CSMD1: variants seen among roughly 807,000 people sequenced by gnomAD.
CSMD1 encodes CUB and sushi domain-containing protein 1.
In CSMD1, 213 loss-of-function variants were observed where a neutral mutation model predicts 417.5. That is an observed-to-expected ratio of 0.51 (90% CI 0.46 to 0.57). The LOEUF is 0.57. Among genes scored for constraint, CSMD1 ranks in the 20% least tolerant of loss-of-function variants. The probability of loss-of-function intolerance (pLI) is 0.00; values close to 1 mark genes in which losing one functional copy is unlikely to be tolerated. For synonymous variants in CSMD1, 2,862 were observed against 1,736.8 expected, an observed-to-expected ratio of 1.65 and a Z score of -16.11; for missense variants, 6,923 against 4,529.7, an observed-to-expected ratio of 1.53 and a Z score of -15.17.
chr8:3,776,995 T>A (rs1433366904), intron 5 of CSMD1, among the ~76,000 whole-genome samples: 1 of 151,918 alleles, frequency 6.6e-6, no homozygotes, highest in African/African-American at 2.4e-5. Flanking sequence ...ATTACATGCA[T>A]GACCCCCCAC....
intron 12 of CSMD1, among the ~76,000 whole-genome samples, chr8:3,426,788 T>C (rs1813868972): frequency 6.6e-6 from 1 of 152,226 alleles, no homozygotes; most frequent in Admixed American, 6.5e-5. Flanking sequence ...TAATGGGTTG[T>C]GCCCAGTTAG....
intron 1 of CSMD1, among the ~76,000 whole-genome samples, chr8:4,725,582 C>A (rs1466762342): frequency 6.6e-6 from 1 of 152,104 alleles, no homozygotes; most frequent in Non-Finnish European, 1.5e-5. Context: ...ATTTCAGAAG[C>A]AACATGGGGC....
intron 3 of CSMD1, among the ~76,000 whole-genome samples, chr8:4,064,440 A>G (rs1484833450): frequency 1.3e-5 from 2 of 152,216 alleles, no homozygotes; most frequent in Non-Finnish European, 2.9e-5. Flanking sequence ...GGCTTTGCCC[A>G]AGTTTTAAAT....
chr8:3,832,070 G>C (rs1056161012), intron 5 of CSMD1, among the ~76,000 whole-genome samples: 27 of 152,230 alleles, frequency 1.8e-4, no homozygotes, highest in South Asian at 2.1e-4. Flanking sequence ...TCTTAATCAA[G>C]ACTGGGTATC....
At chr8:4,599,969 C>A (rs752506578) in intron 2 of CSMD1, among the ~76,000 whole-genome samples, 8 of 152,188 alleles carry the variant, frequency 5.3e-5, no homozygotes, top group Non-Finnish European at 1.2e-4. Flanking sequence ...TGTCCATCCA[C>A]CTCCATGGAG....
At chr8:3,769,162 T>G (rs189242893) in intron 5 of CSMD1, among the ~76,000 whole-genome samples, 26 of 152,198 alleles carry the variant, frequency 1.7e-4, no homozygotes, top group Non-Finnish European at 3.7e-4. Context: ...AACTTACAAT[T>G]TCCCCTTGCC....
chr8:4,088,775 T>C lies in CSMD1; in HGVS notation c.416-56676A>G, dbSNP rs116530375. On this transcript the variant is annotated intron_variant, in intron 3 of 69. Transcript: ENST00000635120. ...CACCATTTATTCCAACAGCCTCAGC[T>C]CCCACCCTCCCAGACCAAACACATT... Among the ~76,000 whole-genome samples, 610 of 152,072 alleles carry C rather than the reference T, an allele frequency of 4.0e-3. 2 individuals are homozygous for C. The highest frequency in any genetic ancestry group is 0.014 in the African/African-American group (591 of 41,472).
intron 5 of CSMD1, among the ~76,000 whole-genome samples, chr8:3,854,485 C>T (rs1450693109): frequency 6.6e-6 from 1 of 152,136 alleles, no homozygotes; most frequent in African/African-American, 2.4e-5. Context: ...GCTGTATTAA[C>T]TTTTGAGATA....
intron 48 of CSMD1, among the ~76,000 whole-genome samples, chr8:3,089,994 A>C (rs1051177622): frequency 3.9e-5 from 6 of 152,202 alleles, no homozygotes; most frequent in Admixed American, 3.9e-4. Context: ...ATGTTTCCAC[A>C]TTGGAAAAAT....
intron 4 of CSMD1, among the ~76,000 whole-genome samples, chr8:4,005,813 T>C (rs940359985): frequency 1.8e-4 from 28 of 152,160 alleles, no homozygotes; most frequent in Non-Finnish European, 1.5e-5. Flanking sequence ...CACTTGGCAT[T>C]AACAGACCCC....
rs1480291187 is a variant in CSMD1 at position 3,182,295 on chromosome 8, G to A, written c.5621-1081C>T. Among the ~76,000 whole-genome samples the A allele has an allele frequency of 2.6e-5, 4 of 152,128 alleles. No homozygotes were observed. In the South Asian group the frequency reaches 8.3e-4, roughly 32 times the overall value. On this transcript the variant is annotated intron_variant, in intron 36 of 69. Transcript: ENST00000635120. Reference sequence around the variant, plus strand: ...GGAGTCTCGCTCTGTCACCCAGGCTGGAGTGCAGTGGCACAATCTTGGGAT... The same window carrying A: ...GGAGTCTCGCTCTGTCACCCAGGCTAGAGTGCAGTGGCACAATCTTGGGAT...
At chr8:4,480,429 G>C (rs567721722) in intron 2 of CSMD1, among the ~76,000 whole-genome samples, 4 of 152,098 alleles carry the variant, frequency 2.6e-5, no homozygotes, top group Non-Finnish European at 5.9e-5. Flanking sequence ...TCCTTATCTC[G>C]AGTCTATTGC....
intron 7 of CSMD1, among the ~76,000 whole-genome samples, chr8:3,630,511 A>C (rs1563214722): frequency 6.6e-6 from 1 of 152,218 alleles, no homozygotes; most frequent in Non-Finnish European, 1.5e-5. Flanking sequence ...TTATATGTTA[A>C]ACAGTTCATC....
At chr8:4,459,995 A>C (rs1220821633) in intron 2 of CSMD1, among the ~76,000 whole-genome samples, 1 of 152,192 alleles carries the variant, frequency 6.6e-6, no homozygotes, top group Non-Finnish European at 1.5e-5. Context: ...CTAGACAACC[A>C]AAATAGTACT....
chr8:4,288,058 G>A (rs1797159539), intron 3 of CSMD1, among the ~76,000 whole-genome samples: 1 of 152,156 alleles, frequency 6.6e-6, no homozygotes, highest in Admixed American at 6.5e-5. Flanking sequence ...AAAACAAGGA[G>A]GATATAAAAC....
chr8:3,321,480 A>ATGAC (rs997597245), intron 23 of CSMD1, among the ~76,000 whole-genome samples: 11 of 152,106 alleles, frequency 7.2e-5, no homozygotes, highest in African/African-American at 2.4e-4. Context: ...CAAGTAGGCA[A>ATGAC]TGACAGGTGC....
At chr8:3,602,637 G>C (rs1801417717) in intron 8 of CSMD1, among the ~76,000 whole-genome samples, 1 of 151,764 alleles carries the variant, frequency 6.6e-6, no homozygotes, top group African/African-American at 2.4e-5. Context: ...ATGGCTAAGA[G>C]TCACAGGGTG....
chr8:3,525,490 T>G (rs965371245), intron 10 of CSMD1, among the ~76,000 whole-genome samples: 2 of 152,176 alleles, frequency 1.3e-5, no homozygotes, highest in African/African-American at 4.8e-5. Flanking sequence ...CTATCCTCCG[T>G]GATAAGAAAC....
intron 5 of CSMD1, among the ~76,000 whole-genome samples, chr8:3,945,251 T>C (rs1400624070): frequency 6.6e-6 from 1 of 150,724 alleles, no homozygotes; most frequent in African/African-American, 2.4e-5. Context: ...AAAATTAATA[T>C]AAGCTGAACA....
Sources: allele counts gnomAD v4.1 joint callset (sites outside exome capture counted in the v4.1 genomes callset), GRCh38; gene constraint gnomAD v4.1.1; transcripts MANE v1.5; gene names NCBI Gene and HGNC (gene_info 2026-07-23, HGNC 2026-07-21).